The following TMEM135 variants were observed in gnomAD, a reference collection of about 807,000 sequenced individuals.
TMEM135 encodes the protein peroxisomal membrane protein 52.
TMEM135 carries 30 observed loss-of-function variants against 60.3 expected under a neutral mutation model. The observed-to-expected ratio is 0.50, with a 90% CI of 0.37 to 0.68. The LOEUF is 0.68. Ranked by LOEUF, TMEM135 falls within the 30% of genes least tolerant of loss-of-function variation. The pLI, the probability that TMEM135 is intolerant of heterozygous loss-of-function variation, is 0.00. For synonymous variants in TMEM135, 190 were observed against 186.7 expected (o/e 1.02, Z -0.14); for missense variants, 468 against 548.8 (o/e 0.85, Z 1.47).
At chr11:87,117,249 G>A (rs1026263489) in intron 4 of TMEM135, among the ~76,000 whole-genome samples, 3 of 152,208 alleles carry the variant, frequency 2.0e-5, no homozygotes, top group Admixed American at 6.5e-5. Context: ...GTTGATGATT[G>A]CTAGTTAAGG....
chr11:87,313,689 A>G (rs1194015751), intron 11 of TMEM135, among the ~76,000 whole-genome samples: 1 of 151,784 alleles, frequency 6.6e-6, no homozygotes, highest in Non-Finnish European at 1.5e-5. Context: ...TGAGTTGGCA[A>G]TATAATGGCT....
In TMEM135 at chr11:87,115,298, G is replaced by A. The variant is rs192318890; in HGVS notation, c.396+23903G>A. On this transcript the variant is annotated intron_variant, in intron 4 of 14. Transcript: ENST00000305494. ...CTTTAATAATTAAACCAAAATTCTA[G>A]GTCATTTTAGTTTATAAGCATTTTG... 2.0e-4 allele frequency among the ~76,000 whole-genome samples: 30 copies of A among 152,024 alleles called. No individual in the cohort carries two copies. The East Asian group carries it at 5.4e-3, about 27-fold the overall frequency.
intron 6 of TMEM135, among the ~76,000 whole-genome samples, chr11:87,293,708 G>A (rs1942304585): frequency 6.6e-6 from 1 of 152,168 alleles, no homozygotes; most frequent in Non-Finnish European, 1.5e-5. Context: ...TTTTATGGCT[G>A]CAGAGTATTC....
chr11:87,263,473 T>C (rs1387239552), intron 6 of TMEM135, among the ~76,000 whole-genome samples: 1 of 152,176 alleles, frequency 6.6e-6, no homozygotes, highest in Non-Finnish European at 1.5e-5. Flanking sequence ...AGAGCCAGAC[T>C]TCACTCATAC....
At chr11:87,188,806 T>G (rs1464081151) in intron 5 of TMEM135, among the ~76,000 whole-genome samples, 1 of 152,216 alleles carries the variant, frequency 6.6e-6, no homozygotes, top group Non-Finnish European at 1.5e-5. Context: ...CCCTGTTTTT[T>G]CACTCTTTTC....
chr11:87,055,705 C>G (rs913404982), intron 1 of TMEM135, among the ~76,000 whole-genome samples: 1 of 152,100 alleles, frequency 6.6e-6, no homozygotes, highest in Non-Finnish European at 1.5e-5. Flanking sequence ...AGTCTCCTGC[C>G]TCAGCCTCCT....
At chr11:87,173,512 G>T (rs1939292866) in intron 5 of TMEM135, among the ~76,000 whole-genome samples, 1 of 152,130 alleles carries the variant, frequency 6.6e-6, no homozygotes, top group Non-Finnish European at 1.5e-5. Flanking sequence ...GTTGTCTTCT[G>T]TAAACAGACC....
chr11:87,125,371 G>A (rs1226365134), intron 4 of TMEM135, among the ~76,000 whole-genome samples: 2 of 152,148 alleles, frequency 1.3e-5, no homozygotes, highest in South Asian at 4.1e-4. Context: ...GGGGAGTAGA[G>A]GTGCTTTTGG....
chr11:87,042,500 C>G (rs1474073927), intron 1 of TMEM135, among the ~76,000 whole-genome samples: 1 of 152,120 alleles, frequency 6.6e-6, no homozygotes, highest in East Asian at 1.9e-4. Flanking sequence ...GGGGAAAATT[C>G]TAGTTTCTAA....
At chr11:87,104,715 G>A (rs1857549685) in intron 4 of TMEM135, among the ~76,000 whole-genome samples, 1 of 151,858 alleles carries the variant, frequency 6.6e-6, no homozygotes, top group African/African-American at 2.4e-5. Flanking sequence ...ATTTATTTTT[G>A]AATAGTTGAG....
chr11:87,104,822 A>G (rs1443521746), intron 4 of TMEM135, among the ~76,000 whole-genome samples: 3 of 152,118 alleles, frequency 2.0e-5, no homozygotes, highest in Non-Finnish European at 4.4e-5. Context: ...CTTTTGGTGG[A>G]ATCTTTAGGG....
chr11:87,134,150 G>A (rs542864260), intron 4 of TMEM135, among the ~76,000 whole-genome samples: 1 of 152,224 alleles, frequency 6.6e-6, no homozygotes, highest in African/African-American at 2.4e-5. Flanking sequence ...CTGGGATCAA[G>A]GCGTTGGCAA....
intron 6 of TMEM135, among the ~76,000 whole-genome samples, chr11:87,271,525 C>T (rs1009130483): frequency 6.6e-6 from 1 of 151,288 alleles, no homozygotes; most frequent in Admixed American, 6.6e-5. Flanking sequence ...ATAAAGCATA[C>T]ATCAGATTTC....
In TMEM135 at chr11:87,321,595, G is replaced by A. The variant is rs1942822117; in HGVS notation, c.*262G>A. ...CATTATATATTATTGATCAAATTAT[G>A]TCCACAAGCAATATTATATAATCTA... On this transcript the variant is annotated 3_prime_UTR_variant, in exon 15 of 15. Transcript: ENST00000305494. 3.3e-6 allele frequency: 2 copies of A among 605,870 alleles called. No individual in the cohort carries two copies. Among genetic ancestry groups the A allele is most frequent in the Admixed American group, 2.1e-5 (1 of 47,310 alleles). 37.5% of individuals were successfully genotyped at this position (605,870 alleles called of 1,614,324 possible).
At chr11:87,096,104 TTCA>T (rs1857322010) in intron 4 of TMEM135, 1 of 175,698 alleles carries the variant, frequency 5.7e-6, no homozygotes, top group Non-Finnish European at 1.0e-5. Flanking sequence ...TGGTGTCTCC[TTCA>T]CCAATATAAA....
chr11:87,211,890 G>A (rs1231566635), intron 5 of TMEM135, among the ~76,000 whole-genome samples: 1 of 151,938 alleles, frequency 6.6e-6, no homozygotes, highest in Non-Finnish European at 1.5e-5. Context: ...CTTGCAGTGA[G>A]CCGAGACCAC....
In TMEM135 at chr11:87,042,443, A is replaced by ATGGC. The variant is rs149938269; in HGVS notation, c.141+4263_141+4266dup. Among the ~76,000 whole-genome samples, 1,217 of 152,262 alleles carry ATGGC rather than the reference A, an allele frequency of 8.0e-3. 21 individuals are homozygous for ATGGC. The highest frequency in any genetic ancestry group is 0.028 in the African/African-American group (1,168 of 41,546). Reference sequence around the variant, plus strand: ...AAGTTAGTATGATATTTTAAGTTTTATGGCTGGCTTTGGGGAAAATAGGTT... The same window carrying ATGGC: ...AAGTTAGTATGATATTTTAAGTTTTATGGCTGGCTGGCTTTGGGGAAAATAGGTT... On this transcript the variant is annotated intron_variant, in intron 1 of 14. Transcript: ENST00000305494.
chr11:87,267,418 A>G (rs1229395081), intron 6 of TMEM135, among the ~76,000 whole-genome samples: 1 of 152,176 alleles, frequency 6.6e-6, no homozygotes, highest in Non-Finnish European at 1.5e-5. Flanking sequence ...AAAGAATGGA[A>G]AACTTGCTGT....
chr11:87,292,233 GT>G (rs1361580629), intron 6 of TMEM135, among the ~76,000 whole-genome samples: 1 of 151,994 alleles, frequency 6.6e-6, no homozygotes, highest in Non-Finnish European at 1.5e-5. Flanking sequence ...TTGGAGGTTT[GT>G]TTTTTGTTTT....
Sources: gnomAD v4.1 joint callset for allele counts (sites outside exome capture counted in the v4.1 genomes callset) on GRCh38, gnomAD v4.1.1 for gene constraint, MANE v1.5 for transcripts, NCBI Gene and HGNC (gene_info 2026-07-23, HGNC 2026-07-21) for gene names.